Variants in FBXL17 observed in about 807,000 individuals in gnomAD.
FBXL17 encodes the protein F-box/LRR-repeat protein 17.
Under a neutral mutation model 66.2 loss-of-function variants are expected in FBXL17, and 22 were observed. That is an observed-to-expected ratio of 0.33 (90% CI 0.24 to 0.47). The LOEUF (loss-of-function observed/expected upper bound fraction) is 0.47, where lower values mean the gene tolerates loss of function less well. FBXL17 is among the 20% of genes least tolerant of loss of function. The probability of loss-of-function intolerance (pLI) is 1.00; values close to 1 mark genes in which losing one functional copy is unlikely to be tolerated. For synonymous variants in FBXL17, 474 were observed against 400.5 expected (o/e 1.18, Z -2.19); for missense variants, 878 against 948.2 (o/e 0.93, Z 0.97).
chr5:108,117,133 TTGAC>T (rs1230247944), intron 6 of FBXL17, among the ~76,000 whole-genome samples: 1 of 152,304 alleles, frequency 6.6e-6, no homozygotes. Flanking sequence ...GACAGTTTGA[TTGAC>T]TAAGTTTATA....
At chr5:108,211,292 G>C (rs1580622131) in intron 5 of FBXL17, among the ~76,000 whole-genome samples, 1 of 152,186 alleles carries the variant, frequency 6.6e-6, no homozygotes, top group Non-Finnish European at 1.5e-5. Flanking sequence ...TTGCCAGTCT[G>C]TGTCTTTTAA....
intron 3 of FBXL17, among the ~76,000 whole-genome samples, chr5:108,356,901 AG>A: frequency 6.6e-6 from 1 of 152,150 alleles, no homozygotes; most frequent in Admixed American, 6.5e-5. Context: ...TGATAATGGG[AG>A]GGGCTATGCA....
intron 7 of FBXL17, among the ~76,000 whole-genome samples, chr5:107,979,039 A>G (rs768129515): frequency 6.6e-6 from 1 of 152,210 alleles, no homozygotes; most frequent in Non-Finnish European, 1.5e-5. Context: ...TAACTGTAAA[A>G]TGGGGATAAA....
chr5:107,952,381 T>C (rs1176874230), intron 7 of FBXL17, among the ~76,000 whole-genome samples: 1 of 152,138 alleles, frequency 6.6e-6, no homozygotes, highest in Admixed American at 6.5e-5. Context: ...CTGAAACTAT[T>C]TCAGTATCAT....
rs575250336 is a variant in FBXL17 at position 107,960,354 on chromosome 5, T to C, written c.1822+60571A>G. On this transcript the variant is annotated intron_variant, in intron 7 of 8. Coordinates refer to ENST00000542267, the MANE Select transcript of FBXL17 (RefSeq NM_001163315.3). ...ATTTACTCTCTTAGCAATTCTAAAA[T>C]ATACATTATTACTAACCATATTCAC... Among the ~76,000 whole-genome samples, 382 of 152,172 alleles carry C rather than the reference T, an allele frequency of 2.5e-3. 5 individuals carry two copies. Among genetic ancestry groups the C allele is most frequent in the Admixed American group, 4.8e-3 (73 of 15,262 alleles).
chr5:108,296,061 TACAC>T (rs1408348769), intron 4 of FBXL17, among the ~76,000 whole-genome samples: 2 of 151,518 alleles, frequency 1.3e-5, no homozygotes, highest in East Asian at 3.9e-4. Context: ...TAGTCAACAT[TACAC>T]AATAAGCTCT....
At chr5:108,116,657 A>C (rs1420342092) in intron 6 of FBXL17, among the ~76,000 whole-genome samples, 1 of 151,740 alleles carries the variant, frequency 6.6e-6, no homozygotes, top group Non-Finnish European at 1.5e-5. Flanking sequence ...AAAAATAATA[A>C]TAATAATAAA....
chr5:107,946,256 TATATATATATATATATATA>T (rs1751277258), intron 7 of FBXL17, among the ~76,000 whole-genome samples: 1 of 16,478 alleles, frequency 6.1e-5, no homozygotes, highest in Non-Finnish European at 1.1e-4. Flanking sequence ...AATCTCATTT[TATATATATATATATATATA>T]TATATATATA....
At chr5:108,268,885 T>G (rs569647528) in intron 4 of FBXL17, among the ~76,000 whole-genome samples, 83 of 152,154 alleles carry the variant, frequency 5.5e-4, no homozygotes, top group African/African-American at 2.0e-3. Flanking sequence ...TACACATCTA[T>G]TTAATACAAG....
rs1488544003 is a variant in FBXL17, at chr5:108,256,212, C to T, written c.1507-31984G>A. On this transcript the variant is annotated intron_variant, in intron 4 of 8. Transcript: ENST00000542267. The stretch of plus-strand genomic sequence containing the variant: ...GTCTAATTTACATTTACATCCCCTG[C>T]TATGCCTAGCACATTGCAGACATTC... Among the ~76,000 whole-genome samples, 8 of 152,274 alleles carry T rather than the reference C, an allele frequency of 5.3e-5. No homozygotes were observed. In the East Asian group the frequency reaches 1.5e-3, roughly 29 times the overall value.
chr5:108,014,505 A>G (rs1754304860), intron 7 of FBXL17, among the ~76,000 whole-genome samples: 1 of 152,190 alleles, frequency 6.6e-6, no homozygotes, highest in Non-Finnish European at 1.5e-5. Context: ...CGTTTTAAGA[A>G]GTCCCTCTCA....
chr5:108,292,843 T>C (rs1011332392), intron 4 of FBXL17, among the ~76,000 whole-genome samples: 2 of 152,164 alleles, frequency 1.3e-5, no homozygotes, highest in African/African-American at 4.8e-5. Flanking sequence ...CTTACGCCTG[T>C]AATCCCAGCA....
intron 1 of FBXL17, among the ~76,000 whole-genome samples, chr5:108,370,450 A>T (rs1266412631): frequency 6.6e-6 from 1 of 152,182 alleles, no homozygotes; most frequent in Non-Finnish European, 1.5e-5. Flanking sequence ...GAAGTATAGA[A>T]TATCATAAAA....
intron 4 of FBXL17, among the ~76,000 whole-genome samples, chr5:108,347,625 G>A (rs1403965770): frequency 6.6e-6 from 1 of 152,104 alleles, no homozygotes; most frequent in East Asian, 1.9e-4. Context: ...ATCTAGACTA[G>A]GAAAACCCAT....
In FBXL17 at chr5:108,047,952, T is replaced by G. The variant is rs559760931; in HGVS notation, c.1746-26951A>C. ...TCCACCAAGGAACAGTCAAAGTGCC[T>G]CATTAAACAGATCCTGTTCCCCATG... On this transcript the variant is annotated intron_variant, in intron 6 of 8. Transcript: ENST00000542267. 2.1e-4 allele frequency among the ~76,000 whole-genome samples: 32 copies of G among 152,250 alleles called. 1 individual carries two copies. The highest frequency in any genetic ancestry group is 7.7e-4 in the African/African-American group (32 of 41,550).
intron 5 of FBXL17, among the ~76,000 whole-genome samples, chr5:108,209,595 T>C (rs1039323346): frequency 6.6e-6 from 1 of 152,252 alleles, no homozygotes; most frequent in Non-Finnish European, 1.5e-5. Context: ...TGGTTCTGTT[T>C]ATGTGATGAA....
At chr5:107,995,706 T>G (rs987802326) in intron 7 of FBXL17, among the ~76,000 whole-genome samples, 4 of 151,902 alleles carry the variant, frequency 2.6e-5, no homozygotes, top group African/African-American at 9.7e-5. Flanking sequence ...TCTGGCCTCA[T>G]TTAATGATGT....
intron 6 of FBXL17, among the ~76,000 whole-genome samples, chr5:108,102,955 T>A (rs1285256149): frequency 2.6e-5 from 4 of 152,172 alleles, no homozygotes; most frequent in Admixed American, 6.5e-5. Context: ...AACTAAAAGA[T>A]ATAACATCAA....
At chr5:108,009,759 C>A (rs1754106150) in intron 7 of FBXL17, among the ~76,000 whole-genome samples, 1 of 152,058 alleles carries the variant, frequency 6.6e-6, no homozygotes, top group African/African-American at 2.4e-5. Context: ...ACAAAACGGT[C>A]TTTTTGCCTA....
Sources: gnomAD v4.1 joint callset for allele counts (sites outside exome capture counted in the v4.1 genomes callset) on GRCh38, gnomAD v4.1.1 for gene constraint, MANE v1.5 for transcripts, NCBI Gene and HGNC (gene_info 2026-07-23, HGNC 2026-07-21) for gene names.